Variants in GLIS3 observed in about 807,000 individuals in gnomAD.
GLIS3 encodes the protein GLIS family zinc finger 3.
Under a neutral mutation model 78.6 loss-of-function variants are expected in GLIS3, and 53 were observed. That is an observed-to-expected ratio of 0.67 (90% CI 0.54 to 0.85). The LOEUF (loss-of-function observed/expected upper bound fraction) is 0.85, where lower values mean the gene tolerates loss of function less well. Among genes scored for constraint, GLIS3 ranks in the 40% least tolerant of loss-of-function variants. The pLI is 0.00. For synonymous variants in GLIS3, 684 were observed against 509.9 expected (o/e 1.34, Z -4.60); for missense variants, 1,703 against 1,231.1 (o/e 1.38, Z -5.74).
At chr9:3,829,201 T>C in intron 10 of GLIS3, 109 bp downstream of exon 10, 1 of 901,256 alleles carries the variant, frequency 1.1e-6, no homozygotes, top group Non-Finnish European at 1.8e-6. Flanking sequence ...CAACAGGATT[T>C]GATGCGGTCA....
intron 2 of GLIS3, among the ~76,000 whole-genome samples, chr9:4,227,387 G>T (rs1821865829): frequency 6.6e-6 from 1 of 151,880 alleles, no homozygotes; most frequent in South Asian, 2.1e-4. Context: ...GCTACCGAAG[G>T]TTTTAAAGCA....
At chr9:3,931,316 A>G (rs910357400) in intron 6 of GLIS3, among the ~76,000 whole-genome samples, 4 of 152,200 alleles carry the variant, frequency 2.6e-5, no homozygotes, top group Admixed American at 2.6e-4. Flanking sequence ...CAAGAAGACT[A>G]TAGAGCATTT....
intron 2 of GLIS3, among the ~76,000 whole-genome samples, chr9:4,132,799 AAC>A (rs1256830974): frequency 1.3e-5 from 2 of 152,198 alleles, no homozygotes; most frequent in Non-Finnish European, 2.9e-5. Context: ...GGTTCAACCT[AAC>A]ACACACACAA....
rs149972963 is a variant in GLIS3, at chr9:4,090,045, T to C, written c.1710+27723A>G. Among the ~76,000 whole-genome samples, 54 of 152,352 alleles carry C rather than the reference T, an allele frequency of 3.5e-4. 1 individual carries two copies. Among genetic ancestry groups the C allele is most frequent in the African/African-American group, 1.2e-3 (50 of 41,574 alleles). Reference sequence around the variant, plus strand: ...TCTGCCCTGTGTCAGTGGGTTGTCCTGCCTGGGCTCACAGGGACTGCAGGG... The same window carrying C: ...TCTGCCCTGTGTCAGTGGGTTGTCCCGCCTGGGCTCACAGGGACTGCAGGG... On this transcript the variant is annotated intron_variant, in intron 4 of 10. Transcript: ENST00000381971.
chr9:3,961,648 T>G (rs1206650023), intron 4 of GLIS3, among the ~76,000 whole-genome samples: 1 of 152,208 alleles, frequency 6.6e-6, no homozygotes, highest in Non-Finnish European at 1.5e-5. Flanking sequence ...TCTCCCATAT[T>G]GAGAATAGTT....
chr9:4,186,090 G>A (rs1038094555), intron 2 of GLIS3, among the ~76,000 whole-genome samples: 1 of 151,624 alleles, frequency 6.6e-6, no homozygotes, highest in African/African-American at 2.4e-5. Flanking sequence ...ATGCTGGTGT[G>A]CTGCACACAT....
At chr9:4,294,665 T>A (rs976717766) in intron 1 of GLIS3, among the ~76,000 whole-genome samples, 1 of 152,056 alleles carries the variant, frequency 6.6e-6, no homozygotes, top group African/African-American at 2.4e-5. Context: ...GTTATTTGCC[T>A]GTGTTTCACT....
chr9:4,284,021 G>T (rs972272739), intron 2 of GLIS3, among the ~76,000 whole-genome samples: 1 of 152,164 alleles, frequency 6.6e-6, no homozygotes, highest in Non-Finnish European at 1.5e-5. Flanking sequence ...GCATTTCAAG[G>T]TGTATCAACC....
chr9:4,178,066 C>T (rs1046550984), intron 2 of GLIS3, among the ~76,000 whole-genome samples: 1 of 152,200 alleles, frequency 6.6e-6, no homozygotes, highest in African/African-American at 2.4e-5. Flanking sequence ...TATCCTTTCT[C>T]AAAAGCCCCA....
chr9:4,181,700 C>G (rs1173334969), intron 2 of GLIS3, among the ~76,000 whole-genome samples: 1 of 152,210 alleles, frequency 6.6e-6, no homozygotes, highest in Non-Finnish European at 1.5e-5. Context: ...GTGAGTCTTG[C>G]TTTGGCTAAT....
At chr9:3,982,531 G>A (rs911440445) in intron 4 of GLIS3, among the ~76,000 whole-genome samples, 2 of 152,158 alleles carry the variant, frequency 1.3e-5, no homozygotes, top group African/African-American at 4.8e-5. Flanking sequence ...CACAGGGGAA[G>A]CTTCTTCTTT....
At chr9:4,148,199 T>G (rs1267590584) in intron 2 of GLIS3, among the ~76,000 whole-genome samples, 2 of 152,134 alleles carry the variant, frequency 1.3e-5, no homozygotes, top group Admixed American at 6.5e-5. Context: ...CAAAAATAGC[T>G]TCAGGAAAAC....
chr9:3,851,619 A>T (rs1819438098), intron 9 of GLIS3, among the ~76,000 whole-genome samples: 1 of 152,176 alleles, frequency 6.6e-6, no homozygotes, highest in Admixed American at 6.5e-5. Flanking sequence ...TAGGGAGAGC[A>T]CACAATGTCT....
intron 4 of GLIS3, among the ~76,000 whole-genome samples, chr9:3,953,690 G>T (rs1816847455): frequency 6.7e-6 from 1 of 148,740 alleles, no homozygotes; most frequent in African/African-American, 2.5e-5. Context: ...ACATATTTTT[G>T]ATAACAATTC....
intron 4 of GLIS3, among the ~76,000 whole-genome samples, chr9:4,065,746 T>C (rs1413075559): frequency 6.6e-6 from 1 of 152,156 alleles, no homozygotes; most frequent in Non-Finnish European, 1.5e-5. Context: ...AAGATGCTAG[T>C]GTTTGGCTAC....
the GLIS3 span, among the ~76,000 whole-genome samples, chr9:4,364,263 G>A: frequency 2.0e-5 from 3 of 152,076 alleles, no homozygotes; most frequent in Admixed American, 6.5e-5. Flanking sequence ...GTAGACCTTT[G>A]GTCATCTCTT....
intron 6 of GLIS3, among the ~76,000 whole-genome samples, chr9:3,921,693 C>T (rs1824900256): frequency 1.3e-5 from 2 of 151,898 alleles, no homozygotes; most frequent in African/African-American, 4.8e-5. Context: ...TCAAGTTTCA[C>T]AAATGGCAAA....
chr9:4,078,856 T>C (rs542258549), intron 4 of GLIS3, among the ~76,000 whole-genome samples: 2 of 152,272 alleles, frequency 1.3e-5, no homozygotes, highest in African/African-American at 4.8e-5. Flanking sequence ...GGGCATTGGA[T>C]CATCAGAATA....
At chr9:4,287,381 G>A (rs1168912743) in intron 1 of GLIS3, among the ~76,000 whole-genome samples, 4 of 152,194 alleles carry the variant, frequency 2.6e-5, no homozygotes, top group South Asian at 4.1e-4. Context: ...GAGAAGCACT[G>A]ACATGATCGC....
Sources: gnomAD v4.1 joint callset for allele counts (sites outside exome capture counted in the v4.1 genomes callset) on GRCh38, gnomAD v4.1.1 for gene constraint, MANE v1.5 for transcripts, NCBI Gene and HGNC (gene_info 2026-07-23, HGNC 2026-07-21) for gene names.